The following LGALS16 variants were observed in gnomAD, a reference collection of about 807,000 sequenced individuals.
The protein encoded by LGALS16 is galectin 16, also known as galectin-16.
LGALS16 carries 15 observed loss-of-function variants against 13.2 expected under a neutral mutation model. The ratio of observed to expected loss-of-function variants is 1.13; its 90% CI spans 0.76 to 1.75. The LOEUF is 1.75. Ranked by LOEUF, LGALS16 falls within the 40% of genes most tolerant of loss-of-function variation. The pLI, the probability that LGALS16 is intolerant of heterozygous loss-of-function variation, is 0.00. For synonymous variants in LGALS16, 66 were observed against 65.4 expected (o/e 1.01, Z -0.05); for missense variants, 198 against 178.4 (o/e 1.11, Z -0.63).
intron 3 of LGALS16, among the ~76,000 whole-genome samples, chr19:39,659,107 T>TC (rs1215488396): frequency 1.3e-5 from 2 of 151,370 alleles, no homozygotes; most frequent in South Asian, 2.1e-4. Context: ...TTTTTCTTTT[T>TC]TTTTTTTTTT....
At chr19:39,658,843 C>T (rs1973228226) in intron 3 of LGALS16, among the ~76,000 whole-genome samples, 173 bp downstream of exon 3, 1 of 152,168 alleles carries the variant, frequency 6.6e-6, no homozygotes, top group Admixed American at 6.5e-5. Context: ...CAGCTCTTTC[C>T]CAAATCTGAC....
rs1436059743 is a variant in LGALS16, at chr19:39,655,992, A to G, written c.15+16A>G. ...ATTTCTAACTGTGAGTTGAAAAGGC[A>G]CAGCCTTCAATAATCTCAAGTCACA... On this transcript the variant is annotated intron_variant, in intron 1 of 3. Transcript: ENST00000392051. 8 of 1,612,768 alleles carry G rather than the reference A, an allele frequency of 5.0e-6. No individual in the cohort carries two copies. The highest frequency in any genetic ancestry group is 1.1e-5 in the South Asian group (1 of 90,930).
chr19:39,660,524 C>G lies in LGALS16; in HGVS notation c.*4C>G, dbSNP rs1240457890. On this transcript the variant is annotated 3_prime_UTR_variant, in exon 4 of 4. Transcript: ENST00000392051. ...TGTCAACAATGGACGGAGATGATCA[C>G]ACTCCTCATTGTTGAGGAAACCCTC... The G allele has an allele frequency of 6.5e-7, 1 of 1,549,790 alleles. No homozygotes were observed.
At chr19:39,656,559 G>A (rs542102124) in intron 1 of LGALS16, among the ~76,000 whole-genome samples, 39 of 152,306 alleles carry the variant, frequency 2.6e-4, no homozygotes, top group African/African-American at 9.4e-4. Flanking sequence ...GTGTGGCAAT[G>A]TGGATCCCAG....
intron 1 of LGALS16, among the ~76,000 whole-genome samples, chr19:39,656,778 C>T (rs1265963266): frequency 6.6e-6 from 1 of 152,034 alleles, no homozygotes; most frequent in East Asian, 1.9e-4. Context: ...TTCCCTGTCC[C>T]CAGCCTATCC....
intron 2 of LGALS16, 112 bp downstream of exon 2, chr19:39,658,071 C>T: frequency 7.7e-7 from 1 of 1,292,986 alleles, no homozygotes; most frequent in Non-Finnish European, 1.1e-6. Flanking sequence ...GGATGGAGGC[C>T]CCATGCAGGT....
intron 2 of LGALS16, 112 bp from the exon 3 acceptor site, chr19:39,658,348 C>T: frequency 2.2e-6 from 2 of 911,042 alleles, no homozygotes; most frequent in Non-Finnish European, 3.4e-6. Flanking sequence ...CCTGCAGTAT[C>T]ATCAGAGAGA....
chr19:39,660,359 G>T (rs561317858), intron 3 of LGALS16, 36 bp from the exon 4 acceptor site: 1 of 1,537,764 alleles, frequency 6.5e-7, no homozygotes, highest in Non-Finnish European at 8.7e-7. Context: ...TTGTTGGGTG[G>T]CATACTGTCT....
chr19:39,655,996 C>G lies in LGALS16; in HGVS notation c.15+20C>G, dbSNP rs779061956. ...CTAACTGTGAGTTGAAAAGGCACAGCCTTCAATAATCTCAAGTCACACAAA... is the reference window on the plus strand; with the variant it reads ...CTAACTGTGAGTTGAAAAGGCACAGGCTTCAATAATCTCAAGTCACACAAA... On this transcript the variant is annotated intron_variant, in intron 1 of 3. Coordinates refer to ENST00000392051, the MANE Select transcript of LGALS16 (RefSeq NM_001190441.3). The G allele has an allele frequency of 1.2e-6, 2 of 1,611,852 alleles. No individual in the cohort carries two copies. Among genetic ancestry groups the G allele is most frequent in the African/African-American group, 1.3e-5 (1 of 74,858 alleles).
chr19:39,657,723 T>C (rs1973209611), intron 1 of LGALS16, 160 bp from the exon 2 acceptor site: 1 of 783,012 alleles, frequency 1.3e-6, no homozygotes, highest in Non-Finnish European at 2.1e-6. Flanking sequence ...GGGTCCACCA[T>C]ACCTTCAGGA....
rs144704811 is a variant in LGALS16 at position 39,659,870 on chromosome 19, A to G, written c.304-525A>G. Among the ~76,000 whole-genome samples, 17 of 152,338 alleles carry G rather than the reference A, an allele frequency of 1.1e-4. No homozygotes were observed. In the East Asian group the frequency reaches 2.9e-3, roughly 26 times the overall value. On this transcript the variant is annotated intron_variant, in intron 3 of 3. Transcript: ENST00000392051. ...TTCCTATGCTTAGAAGTTGTCGAAG[A>G]TAATATCCTATGTTATACAAGACCT...
Position 39,656,954 on chromosome 19 carries a change from C to T in LGALS16, c.16-929C>T, listed in dbSNP as rs557160592. On this transcript the variant is annotated intron_variant, in intron 1 of 3. Transcript: ENST00000392051. ...AAGTCTAGTCTCAGTTCAGACAGAG[C>T]TTACAGTGGATATTAATCAACAAAG... Among the ~76,000 whole-genome samples, 18 of 152,034 alleles carry T rather than the reference C, an allele frequency of 1.2e-4. No individual in the cohort carries two copies. The South Asian group carries it at 3.7e-3, about 32-fold the overall frequency.
intron 2 of LGALS16, 71 bp downstream of exon 2, chr19:39,658,030 G>A (rs967716871): frequency 7.0e-6 from 11 of 1,564,074 alleles, no homozygotes; most frequent in Non-Finnish European, 9.6e-6. Context: ...TTGACCTTAT[G>A]TGTGGGTGAT....
In LGALS16 at chr19:39,660,610, T is replaced by C. The variant is rs1973250622; in HGVS notation, c.*90T>C. ...ACAGAATAATCCCTCCTCAACCCCT[T>C]CCCCTACACTTGGTCATTAAAACAG... On this transcript the variant is annotated 3_prime_UTR_variant, in exon 4 of 4. Coordinates refer to ENST00000392051, the MANE Select transcript of LGALS16 (RefSeq NM_001190441.3). The C allele has an allele frequency of 9.1e-7, 1 of 1,101,740 alleles. No individual in the cohort carries two copies. 68.2% of individuals were successfully genotyped at this position (1,101,740 alleles called of 1,614,324 possible).
In LGALS16 at chr19:39,660,418, T is replaced by C. The variant is rs1293152975; in HGVS notation, c.327T>C (p.Ile109=). 2 of 1,540,940 alleles carry C rather than the reference T, an allele frequency of 1.3e-6. 1 individual carries two copies. The highest frequency in any genetic ancestry group is 2.4e-5 in the South Asian group (2 of 84,164). Residue 109 remains isoleucine (I), a synonymous_variant, in exon 4 of 4, where the codon ATT becomes ATC. Transcript: ENST00000392051. ...AGGTAAAGGTAAATGGTGAATACAT[T>C]TATGCCTTTGTCCATCGAATCCCGC... ...EYEVKVNGEY[I]YAFVHRIPPS... is the part of the protein sequence containing the mutation.
Position 39,658,445 on chromosome 19 carries a change from G to A in LGALS16, c.93-15G>A. The A allele has an allele frequency of 6.3e-7, 1 of 1,580,798 alleles. No homozygotes were observed. Among genetic ancestry groups the A allele is most frequent in the Middle Eastern group, 1.7e-4 (1 of 6,034 alleles). On this transcript the variant is annotated splice_polypyrimidine_tract_variant and intron_variant, in intron 2 of 3. Coordinates refer to ENST00000392051, the MANE Select transcript of LGALS16 (RefSeq NM_001190441.3). ...TGAAGGAACCTGTCCAATATGCTGTGTGCTTTGCCCTCAGCAACGAACCAC... is the reference window on the plus strand; with the variant it reads ...TGAAGGAACCTGTCCAATATGCTGTATGCTTTGCCCTCAGCAACGAACCAC...
chr19:39,660,550 T>C lies in LGALS16; in HGVS notation c.*30T>C, dbSNP rs1600819446. ...ACTCCTCATTGTTGAGGAAACCCTC[T>C]TTCTACCTGACCATGGGATTCCTAG... On this transcript the variant is annotated 3_prime_UTR_variant, in exon 4 of 4. Coordinates refer to ENST00000392051, the MANE Select transcript of LGALS16 (RefSeq NM_001190441.3). 6.5e-7 allele frequency: 1 copy of C among 1,544,856 alleles called. No individual in the cohort carries two copies.
chr19:39,657,794 C>A, intron 1 of LGALS16, 89 bp from the exon 2 acceptor site: 3 of 1,456,862 alleles, frequency 2.1e-6, no homozygotes, highest in South Asian at 1.1e-5. Context: ...GCCCTGTGAT[C>A]TCTAACCTCC....
intron 2 of LGALS16, 26 bp from the exon 3 acceptor site, chr19:39,658,434 C>T: frequency 6.4e-7 from 1 of 1,557,742 alleles, no homozygotes; most frequent in Non-Finnish European, 8.7e-7. Context: ...GGAACCTGTC[C>T]AATATGCTGT....
Sources: gnomAD v4.1 joint callset for allele counts (sites outside exome capture counted in the v4.1 genomes callset) on GRCh38, gnomAD v4.1.1 for gene constraint, MANE v1.5 for transcripts, NCBI Gene and HGNC (gene_info 2026-07-23, HGNC 2026-07-21) for gene names.